Variants in LHFPL6 observed in about 807,000 individuals in gnomAD.
The protein encoded by LHFPL6 is LHFPL tetraspan subfamily member 6 protein.
A neutral mutation model predicts 20.6 loss-of-function variants in LHFPL6; 9 were observed. The observed-to-expected ratio is 0.44, with a 90% CI of 0.26 to 0.76. The LOEUF is 0.76. LHFPL6 is among the 30% of genes least tolerant of loss of function. LHFPL6 has a pLI of 0.20. For missense variants in LHFPL6, 218 were observed against 253.5 expected (o/e 0.86, Z 0.95); for synonymous variants, 105 against 98.7 (o/e 1.06, Z -0.38).
At chr13:39,514,839 A>T (rs1869848871) in intron 2 of LHFPL6, among the ~76,000 whole-genome samples, 1 of 152,248 alleles carries the variant, frequency 6.6e-6, no homozygotes, top group Admixed American at 6.5e-5. Flanking sequence ...CTTTAATTCC[A>T]GCCAGCCAAA....
chr13:39,363,735 T>C (rs1869938911), intron 3 of LHFPL6, among the ~76,000 whole-genome samples: 1 of 152,192 alleles, frequency 6.6e-6, no homozygotes, highest in Non-Finnish European at 1.5e-5. Context: ...GATGCTGGGT[T>C]ACTCTAATCT....
intron 2 of LHFPL6, among the ~76,000 whole-genome samples, chr13:39,445,987 G>A (rs1203364069): frequency 6.6e-6 from 1 of 152,136 alleles, no homozygotes; most frequent in African/African-American, 2.4e-5. Flanking sequence ...CTTAGAAGGA[G>A]AATTAAAAAG....
intron 2 of LHFPL6, among the ~76,000 whole-genome samples, chr13:39,391,498 G>A (rs568340357): frequency 1.3e-5 from 2 of 152,242 alleles, no homozygotes; most frequent in African/African-American, 4.8e-5. Flanking sequence ...GTGTGTATGT[G>A]TGTATAAAAC....
chr13:39,380,094 G>T (rs997034583), intron 2 of LHFPL6, among the ~76,000 whole-genome samples: 10 of 152,180 alleles, frequency 6.6e-5, no homozygotes, highest in Admixed American at 6.5e-4. Flanking sequence ...AACTAGTTTT[G>T]GGCACCATTA....
intron 2 of LHFPL6, among the ~76,000 whole-genome samples, chr13:39,384,449 T>A (rs1395543037): frequency 6.6e-6 from 1 of 152,220 alleles, no homozygotes; most frequent in Non-Finnish European, 1.5e-5. Context: ...TAGAGGCAAT[T>A]AAATGTAAAA....
At chr13:39,405,703 T>G (rs1035675284) in intron 2 of LHFPL6, among the ~76,000 whole-genome samples, 1 of 152,164 alleles carries the variant, frequency 6.6e-6, no homozygotes. Context: ...CAAAAGAAGC[T>G]CTCAGGCACT....
At chr13:39,541,136 T>C (rs1870782926) in intron 2 of LHFPL6, among the ~76,000 whole-genome samples, 1 of 152,172 alleles carries the variant, frequency 6.6e-6, no homozygotes, top group Non-Finnish European at 1.5e-5. Context: ...CATGGGAACA[T>C]AAGCCACCTC....
chr13:39,595,673 C>T (rs943835843), intron 2 of LHFPL6, among the ~76,000 whole-genome samples: 14 of 149,578 alleles, frequency 9.4e-5, no homozygotes, highest in African/African-American at 2.9e-4. Flanking sequence ...CTGAAGCTTG[C>T]TCCTTTATAT....
At chr13:39,550,158 TTAA>T (rs2138511220) in intron 2 of LHFPL6, among the ~76,000 whole-genome samples, 1 of 152,248 alleles carries the variant, frequency 6.6e-6, no homozygotes, top group Non-Finnish European at 1.5e-5. Context: ...AAAGCTCTTT[TTAA>T]TAAAAAAGTT....
At chr13:39,559,310 A>G (rs553667002) in intron 2 of LHFPL6, among the ~76,000 whole-genome samples, 10 of 152,328 alleles carry the variant, frequency 6.6e-5, no homozygotes, top group Middle Eastern at 3.4e-3. Flanking sequence ...GTGTCAAAGG[A>G]TGGGAGTTGA....
At chr13:39,405,381 T>C (rs960310523) in intron 2 of LHFPL6, among the ~76,000 whole-genome samples, 1 of 152,334 alleles carries the variant, frequency 6.6e-6, no homozygotes, top group Non-Finnish European at 1.5e-5. Flanking sequence ...AAGAGCTCCA[T>C]TTTGAAAACT....
intron 2 of LHFPL6, among the ~76,000 whole-genome samples, chr13:39,489,138 T>A (rs536280055): frequency 6.6e-6 from 1 of 152,324 alleles, no homozygotes; most frequent in East Asian, 1.9e-4. Context: ...TTTTGTGGCA[T>A]CTCATTAAGT....
chr13:39,444,227 A>T (rs1872224043), intron 2 of LHFPL6, among the ~76,000 whole-genome samples: 1 of 152,226 alleles, frequency 6.6e-6, no homozygotes, highest in South Asian at 2.1e-4. Flanking sequence ...TTAGATACTT[A>T]CAGTAAAATG....
intron 2 of LHFPL6, among the ~76,000 whole-genome samples, chr13:39,396,801 GA>G (rs1223526286): frequency 1.3e-5 from 2 of 151,804 alleles, no homozygotes; most frequent in African/African-American, 4.8e-5. Context: ...GTCTCAAAAA[GA>G]AAAAAAGACA....
rs78097493 is a variant in LHFPL6 at position 39,435,685 on chromosome 13, T to A, written c.386-57159A>T. 2.6e-3 allele frequency among the ~76,000 whole-genome samples: 393 copies of A among 152,316 alleles called. 3 individuals carry two copies. In the East Asian group the frequency reaches 0.043, roughly 16 times the overall value. Reference sequence around the variant, plus strand: ...AGCGAAATACGAAGAACTCATGGATTCCACATTTCCACCAACCTTTAGAAA... The same window carrying A: ...AGCGAAATACGAAGAACTCATGGATACCACATTTCCACCAACCTTTAGAAA... On this transcript the variant is annotated intron_variant, in intron 2 of 3. Transcript: ENST00000379589.
chr13:39,520,837 C>T (rs999438073), intron 2 of LHFPL6, among the ~76,000 whole-genome samples: 3 of 152,168 alleles, frequency 2.0e-5, no homozygotes, highest in Non-Finnish European at 4.4e-5. Flanking sequence ...ATCCCCTCCC[C>T]ATTTAATTAG....
At chr13:39,503,624 T>C (rs562954069) in intron 2 of LHFPL6, among the ~76,000 whole-genome samples, 1 of 152,330 alleles carries the variant, frequency 6.6e-6, no homozygotes, top group South Asian at 2.1e-4. Context: ...CCTAGAACAG[T>C]GCTTGGTATG....
At chr13:39,364,147 G>C (rs1423716063) in intron 3 of LHFPL6, among the ~76,000 whole-genome samples, 1 of 152,236 alleles carries the variant, frequency 6.6e-6, no homozygotes, top group South Asian at 2.1e-4. Context: ...AAATGAGATC[G>C]TTAGAAAACA....
At chr13:39,386,213 C>A (rs1468437758) in intron 2 of LHFPL6, among the ~76,000 whole-genome samples, 1 of 152,180 alleles carries the variant, frequency 6.6e-6, no homozygotes, top group Non-Finnish European at 1.5e-5. Flanking sequence ...AATTGATGTA[C>A]ACGAGTTTTG....
Sources: gnomAD v4.1 joint callset for allele counts (sites outside exome capture counted in the v4.1 genomes callset) on GRCh38, gnomAD v4.1.1 for gene constraint, MANE v1.5 for transcripts, NCBI Gene and HGNC (gene_info 2026-07-23, HGNC 2026-07-21) for gene names.